NKAIN2: variants seen among roughly 807,000 people sequenced by gnomAD.
The protein encoded by NKAIN2 is sodium/potassium-transporting ATPase subunit beta-1-interacting protein 2.
In NKAIN2, 14 loss-of-function variants were observed where a neutral mutation model predicts 32.6. That is an observed-to-expected ratio of 0.43 (90% CI 0.28 to 0.67). NKAIN2 has a LOEUF of 0.67. Ranked by LOEUF, NKAIN2 falls within the 30% of genes least tolerant of loss-of-function variation. The pLI is 0.17. For missense variants in NKAIN2, 198 were observed against 258.3 expected (o/e 0.77, Z 1.60); for synonymous variants, 80 against 87.2 (o/e 0.92, Z 0.46).
intron 4 of NKAIN2, among the ~76,000 whole-genome samples, chr6:124,733,519 A>G (rs1776787311): frequency 6.6e-6 from 1 of 151,924 alleles, no homozygotes. Flanking sequence ...TCTAGTTGAT[A>G]AGTATTGTTC....
At chr6:123,870,076 C>G (rs915896160) in intron 1 of NKAIN2, among the ~76,000 whole-genome samples, 1 of 152,090 alleles carries the variant, frequency 6.6e-6, no homozygotes, top group Non-Finnish European at 1.5e-5. Context: ...TGTCAGTAAA[C>G]TTGACAATTA....
At chr6:124,295,151 T>A (rs1269038976) in intron 2 of NKAIN2, among the ~76,000 whole-genome samples, 1 of 152,188 alleles carries the variant, frequency 6.6e-6, no homozygotes, top group Non-Finnish European at 1.5e-5. Context: ...TAGTGTTTGA[T>A]GGGGAGTTTC....
At chr6:123,937,988 T>TGAATCTGATGC (rs6149792) in intron 1 of NKAIN2, among the ~76,000 whole-genome samples, 3 of 151,230 alleles carry the variant, frequency 2.0e-5, no homozygotes, top group African/African-American at 4.9e-5. Flanking sequence ...GCCTTGAACA[T>TGAATCTGATGC]ACACGAAAAG....
intron 2 of NKAIN2, among the ~76,000 whole-genome samples, chr6:124,286,388 A>G (rs542334120): frequency 7.4e-4 from 113 of 152,192 alleles, no homozygotes; most frequent in African/African-American, 2.6e-3. Context: ...ATCAAATAAT[A>G]TGAACAATTT....
chr6:124,028,895 A>ATGTC (rs1294304610), intron 1 of NKAIN2, among the ~76,000 whole-genome samples: 1 of 17,430 alleles, frequency 5.7e-5, no homozygotes, highest in Admixed American at 6.3e-4. Flanking sequence ...GTGTATATAT[A>ATGTC]TATATATACA....
intron 1 of NKAIN2, among the ~76,000 whole-genome samples, chr6:124,179,510 G>A (rs1789330703): frequency 6.6e-6 from 1 of 152,058 alleles, no homozygotes; most frequent in Admixed American, 6.5e-5. Flanking sequence ...TAATTACTTT[G>A]GTAATTAAAG....
intron 4 of NKAIN2, among the ~76,000 whole-genome samples, chr6:124,757,847 A>G (rs997887563): frequency 1.1e-4 from 16 of 152,202 alleles, no homozygotes; most frequent in Admixed American, 6.6e-5. Flanking sequence ...CTCAAATAGG[A>G]AAGTCAATGT....
intron 3 of NKAIN2, among the ~76,000 whole-genome samples, chr6:124,380,790 C>A (rs1215535233): frequency 6.6e-6 from 1 of 152,058 alleles, no homozygotes; most frequent in African/African-American, 2.4e-5. Flanking sequence ...CAATATTTTC[C>A]AAATGACCAA....
chr6:124,322,213 A>C (rs1797227752), intron 2 of NKAIN2, among the ~76,000 whole-genome samples: 1 of 152,226 alleles, frequency 6.6e-6, no homozygotes, highest in South Asian at 2.1e-4. Flanking sequence ...AGAGCATTAC[A>C]CTTGAAGGTG....
rs144892272 is a variant in NKAIN2 at position 124,486,126 on chromosome 6, G to A, written c.273+130779G>A. Among the ~76,000 whole-genome samples the A allele has an allele frequency of 8.9e-3, 1,357 of 152,222 alleles. 14 individuals are homozygous for A. The highest frequency in any genetic ancestry group is 0.031 in the African/African-American group (1,297 of 41,546). The stretch of plus-strand genomic sequence containing the variant: ...TGTTATAAAGAATATAAACTAATAC[G>A]AGAGTATAGCTTCAATAACACAAAA... On this transcript the variant is annotated intron_variant, in intron 3 of 6. Transcript: ENST00000368417.
intron 3 of NKAIN2, among the ~76,000 whole-genome samples, chr6:124,633,614 C>T (rs1783657082): frequency 6.6e-6 from 1 of 152,140 alleles, no homozygotes; most frequent in South Asian, 2.1e-4. Flanking sequence ...ATATAATAAA[C>T]ATGGAAAAGG....
intron 1 of NKAIN2, among the ~76,000 whole-genome samples, chr6:124,052,438 G>A (rs1195909981): frequency 6.6e-6 from 1 of 151,968 alleles, no homozygotes; most frequent in African/African-American, 2.4e-5. Flanking sequence ...TCTTCCTGAT[G>A]ATATTAACCA....
chr6:123,952,507 A>C (rs1777375079), intron 1 of NKAIN2, among the ~76,000 whole-genome samples: 1 of 152,150 alleles, frequency 6.6e-6, no homozygotes, highest in South Asian at 2.1e-4. Flanking sequence ...GCCTTTGGTG[A>C]AACCTCAAAT....
intron 1 of NKAIN2, among the ~76,000 whole-genome samples, chr6:123,871,334 A>G (rs1772861421): frequency 2.0e-5 from 3 of 152,150 alleles, no homozygotes; most frequent in Admixed American, 1.3e-4. Flanking sequence ...TTAGGAGTAT[A>G]AATTTCGCTG....
intron 5 of NKAIN2, among the ~76,000 whole-genome samples, chr6:124,815,919 G>A (rs192985832): frequency 4.6e-5 from 7 of 152,122 alleles, no homozygotes; most frequent in Admixed American, 3.3e-4. Context: ...AATTATATGC[G>A]ATAAATATGA....
At chr6:123,972,398 A>G (rs1023349152) in intron 1 of NKAIN2, among the ~76,000 whole-genome samples, 1 of 152,216 alleles carries the variant, frequency 6.6e-6, no homozygotes, top group Non-Finnish European at 1.5e-5. Flanking sequence ...GATTTCTGAG[A>G]CAAATAGCCT....
chr6:124,437,872 A>ATTTTTTTTTTTT (rs374033234), intron 3 of NKAIN2: 5 of 344,328 alleles, frequency 1.5e-5, no homozygotes, highest in Admixed American at 3.8e-5. Flanking sequence ...TGATCTATTG[A>ATTTTTTTTTTTT]TTTTTTTTTT....
intron 1 of NKAIN2, among the ~76,000 whole-genome samples, chr6:124,206,092 C>T (rs1029049979): frequency 3.3e-5 from 5 of 151,874 alleles, no homozygotes; most frequent in Non-Finnish European, 7.4e-5. Flanking sequence ...CCACAGTAAT[C>T]AACAAGACAT....
chr6:123,880,942 A>G (rs1321623098), intron 1 of NKAIN2, among the ~76,000 whole-genome samples: 1 of 152,214 alleles, frequency 6.6e-6, no homozygotes, highest in Non-Finnish European at 1.5e-5. Context: ...ATTAGCAAAT[A>G]TAATTCTGTA....
Sources: allele counts gnomAD v4.1 joint callset (sites outside exome capture counted in the v4.1 genomes callset), GRCh38; gene constraint gnomAD v4.1.1; transcripts MANE v1.5; gene names NCBI Gene and HGNC (gene_info 2026-07-23, HGNC 2026-07-21).